TMEM170B: variants seen among roughly 807,000 people sequenced by gnomAD.
TMEM170B encodes transmembrane protein 170B.
A neutral mutation model predicts 13.0 loss-of-function variants in TMEM170B; 6 were observed. The ratio of observed to expected loss-of-function variants is 0.46; its 90% CI spans 0.25 to 0.91. The LOEUF (loss-of-function observed/expected upper bound fraction) is 0.91. TMEM170B is among the 40% of genes least tolerant of loss of function. TMEM170B has a pLI of 0.17. For synonymous variants in TMEM170B, 61 were observed against 64.9 expected, an observed-to-expected ratio of 0.94 and a Z score of 0.29; for missense variants, 138 against 165.2, an observed-to-expected ratio of 0.84 and a Z score of 0.90.
rs1380637463 is a variant in TMEM170B at position 11,576,445 on chromosome 6, T to C, written c.*884T>C. The C allele has an allele frequency of 2.0e-5, 3 of 152,226 alleles. No homozygotes were observed. Among genetic ancestry groups the C allele is most frequent in the Non-Finnish European group, 4.4e-5 (3 of 68,024 alleles). The allele number at this position is 152,226 out of a possible 1,614,324, so 9.4% of individuals were successfully genotyped here. A position where few individuals can be genotyped will look rare whatever the true frequency, so the allele number is the denominator to read the frequency against. On this transcript the variant is annotated 3_prime_UTR_variant, in exon 3 of 3. Coordinates refer to ENST00000379426, the MANE Select transcript of TMEM170B (RefSeq NM_001100829.3). Reference sequence around the variant, plus strand: ...ATTCTTTGACCCTTCTAAAGAAAGTTTTTGCCTTGTATCTCATGGACAAAA... The same window carrying C: ...ATTCTTTGACCCTTCTAAAGAAAGTCTTTGCCTTGTATCTCATGGACAAAA...
chr6:11,550,508 C>T (rs558472858), intron 1 of TMEM170B, among the ~76,000 whole-genome samples: 123 of 151,580 alleles, frequency 8.1e-4, no homozygotes, highest in Non-Finnish European at 1.3e-3. Flanking sequence ...TTTACCCTGA[C>T]GGATTGTATG....
chr6:11,578,881 T>G lies in TMEM170B; in HGVS notation c.*3320T>G, dbSNP rs1759916066. ...GTGGGAAAGGTCTTTAAAGAACCTC[T>G]AATGAAGAAAATGTGGCTGCCACAT... On this transcript the variant is annotated 3_prime_UTR_variant, in exon 3 of 3. Coordinates refer to ENST00000379426, the MANE Select transcript of TMEM170B (RefSeq NM_001100829.3). The G allele has an allele frequency of 6.6e-6, 1 of 152,214 alleles. No individual in the cohort carries two copies. Among genetic ancestry groups the G allele is most frequent in the East Asian group, 1.9e-4 (1 of 5,206 alleles). 9.4% of individuals were successfully genotyped at this position (152,214 alleles called of 1,614,324 possible).
chr6:11,550,868 T>TA (rs1310307032), intron 1 of TMEM170B, among the ~76,000 whole-genome samples: 2 of 152,210 alleles, frequency 1.3e-5, no homozygotes, highest in Non-Finnish European at 2.9e-5. Context: ...CTGTCAGAGA[T>TA]ACAAAGATAA....
intron 2 of TMEM170B, among the ~76,000 whole-genome samples, chr6:11,573,570 C>A (rs1759833336): frequency 6.6e-6 from 1 of 152,168 alleles, no homozygotes; most frequent in South Asian, 2.1e-4. Flanking sequence ...AGTAGTGGAG[C>A]TTGGATTTTA....
intron 2 of TMEM170B, among the ~76,000 whole-genome samples, chr6:11,568,713 A>G (rs980424129): frequency 1.3e-5 from 2 of 152,196 alleles, no homozygotes; most frequent in Non-Finnish European, 2.9e-5. Flanking sequence ...AAACAGGTGA[A>G]TTAGGAAAAC....
At chr6:11,564,423 C>T (rs184384826) in intron 1 of TMEM170B, among the ~76,000 whole-genome samples, 1 of 152,208 alleles carries the variant, frequency 6.6e-6, no homozygotes, top group East Asian at 1.9e-4. Flanking sequence ...TCTTTAATGA[C>T]TATTTTATTG....
At chr6:11,552,042 A>G (rs942594355) in intron 1 of TMEM170B, among the ~76,000 whole-genome samples, 1 of 152,218 alleles carries the variant, frequency 6.6e-6, no homozygotes, top group African/African-American at 2.4e-5. Context: ...GGAACTGTTC[A>G]TACAGATCCA....
At chr6:11,554,830 C>CAATA (rs1234344732) in intron 1 of TMEM170B, among the ~76,000 whole-genome samples, 1 of 152,072 alleles carries the variant, frequency 6.6e-6, no homozygotes, top group Non-Finnish European at 1.5e-5. Context: ...AAGTAGGAAA[C>CAATA]TATTAAGTAT....
At chr6:11,569,735 T>C (rs774647790) in intron 2 of TMEM170B, among the ~76,000 whole-genome samples, 12 of 152,156 alleles carry the variant, frequency 7.9e-5, no homozygotes, top group Non-Finnish European at 1.6e-4. Context: ...CCCACTGCCA[T>C]ATAGTAAATC....
chr6:11,547,476 T>C (rs1355869094), intron 1 of TMEM170B, among the ~76,000 whole-genome samples: 1 of 152,234 alleles, frequency 6.6e-6, no homozygotes. Flanking sequence ...CCTAAAGATA[T>C]ATGCTACTTT....
chr6:11,545,521 T>A (rs1332075388), intron 1 of TMEM170B, among the ~76,000 whole-genome samples: 2 of 152,092 alleles, frequency 1.3e-5, no homozygotes, highest in Non-Finnish European at 2.9e-5. Context: ...TGTCACCTAC[T>A]GAGATCATGG....
intron 1 of TMEM170B, among the ~76,000 whole-genome samples, chr6:11,540,087 G>A (rs1759338736): frequency 6.6e-6 from 1 of 152,226 alleles, no homozygotes; most frequent in Non-Finnish European, 1.5e-5. Flanking sequence ...CCTTCAGCAA[G>A]GACGTTATCT....
Position 11,538,304 on chromosome 6 carries a change from C to G in TMEM170B, c.27C>G (p.Ser9=). The change falls in exon 1 of 3, where the codon TCC becomes TCG. Residue 9 remains serine (S), a synonymous_variant. Coordinates refer to ENST00000379426, the MANE Select transcript of TMEM170B (RefSeq NM_001100829.3). ...TGAAGGCGGAGGGGGGCGACCACTC[C>G]ATGATCAACCTGTCGGTGCAGCAGG... The part of the protein sequence containing the change: MKAEGGDH[S]MINLSVQQVL... 6.7e-7 allele frequency: 1 copy of G among 1,482,768 alleles called. No homozygotes were observed. Among genetic ancestry groups the G allele is most frequent in the Non-Finnish European group, 8.9e-7 (1 of 1,123,188 alleles). The allele number at this position is 1,482,768 out of a possible 1,614,324, so 91.9% of individuals were successfully genotyped here. A position where few individuals can be genotyped will look rare whatever the true frequency, so the allele number is the denominator to read the frequency against.
chr6:11,572,028 A>T (rs1449652860), intron 2 of TMEM170B, among the ~76,000 whole-genome samples: 1 of 152,224 alleles, frequency 6.6e-6, no homozygotes, highest in Non-Finnish European at 1.5e-5. Context: ...AAAACAAAAA[A>T]GGATGTCACC....
At position 11,538,198 on chromosome 6, in the gene TMEM170B, C is replaced by T; in HGVS notation, c.-80C>T. On this transcript the variant is annotated 5_prime_UTR_variant, in exon 1 of 3. Transcript: ENST00000379426. ...GCGGCGGCCTGGAGGAGCCGCGCAC[C>T]CGCCGCCGCCCCCCGAGCCTCGCAG... is the stretch of plus-strand genomic sequence containing the variant. 1 of 599,910 alleles carries T rather than the reference C, an allele frequency of 1.7e-6. No individual in the cohort carries two copies. Among genetic ancestry groups the T allele is most frequent in the Non-Finnish European group, 2.2e-6 (1 of 451,116 alleles). 37.2% of individuals were successfully genotyped at this position (599,910 alleles called of 1,614,324 possible).
chr6:11,560,548 C>G (rs372507873), intron 1 of TMEM170B, among the ~76,000 whole-genome samples: 1 of 146,628 alleles, frequency 6.8e-6, no homozygotes, highest in East Asian at 2.0e-4. Flanking sequence ...GAGTTTGAGT[C>G]CAGCCTGGGC....
chr6:11,573,964 A>G (rs908509395), intron 2 of TMEM170B, among the ~76,000 whole-genome samples: 2 of 152,160 alleles, frequency 1.3e-5, no homozygotes, highest in African/African-American at 4.8e-5. Context: ...TGGTGCTACT[A>G]GGAGTTTTGA....
chr6:11,561,756 C>G (rs1222735380), intron 1 of TMEM170B, among the ~76,000 whole-genome samples: 4 of 152,076 alleles, frequency 2.6e-5, no homozygotes, highest in Non-Finnish European at 2.9e-5. Context: ...CATTAGGGTA[C>G]TTTGTTCATG....
chr6:11,563,601 C>T (rs1759698444), intron 1 of TMEM170B, among the ~76,000 whole-genome samples: 1 of 152,184 alleles, frequency 6.6e-6, no homozygotes, highest in Admixed American at 6.5e-5. Context: ...CAGGTTTCAT[C>T]ATTTGCTAGA....
Sources: allele counts gnomAD v4.1 joint callset (sites outside exome capture counted in the v4.1 genomes callset), GRCh38; gene constraint gnomAD v4.1.1; transcripts MANE v1.5; gene names NCBI Gene and HGNC (gene_info 2026-07-23, HGNC 2026-07-21).